Variants in RHBDF2 observed in about 807,000 individuals in gnomAD.
The protein encoded by RHBDF2 is rhomboid 5 homolog 2, also known as inactive rhomboid protein 2.
RHBDF2 carries 38 observed loss-of-function variants against 95.2 expected under a neutral mutation model. The observed-to-expected ratio is 0.40, with a 90% CI of 0.31 to 0.52. RHBDF2 has a LOEUF of 0.52. Among genes scored for constraint, RHBDF2 ranks in the 20% least tolerant of loss-of-function variants. The probability of loss-of-function intolerance (pLI) is 0.56; values close to 1 mark genes in which losing one functional copy is unlikely to be tolerated. For synonymous variants in RHBDF2, 442 were observed against 462.0 expected (o/e 0.96, Z 0.55); for missense variants, 863 against 1,137.7 (o/e 0.76, Z 3.47).
chr17:76,471,714 C>A lies in RHBDF2; in HGVS notation c.2403G>T (p.Trp801Cys). 1 of 1,610,982 alleles carries A rather than the reference C, an allele frequency of 6.2e-7. No homozygotes were observed. The highest frequency in any genetic ancestry group is 8.5e-7 in the Non-Finnish European group (1 of 1,178,800). The change falls in exon 19 of 19, where the codon TGG becomes TGT. Residue 801 changes from tryptophan (W) to cysteine (C), a missense_variant. Physicochemically the swap from Trp to Cys is radical, Grantham distance 215 (BLOSUM62 -2). Transcript: ENST00000675367. Reference protein sequence around the residue: ...VLWLYIYPINWPWIEHLTCFP... With the variant: ...VLWLYIYPINCPWIEHLTCFP... ...AGCAGGTGAGGTGCTCGATCCAGGG[C>A]CAGTTAATGGGGTAGATGTACAGCC... is the stretch of plus-strand genomic sequence containing the variant.
intron 3 of RHBDF2, among the ~76,000 whole-genome samples, chr17:76,480,996 G>A (rs1245746980): frequency 1.3e-5 from 2 of 152,192 alleles, no homozygotes; most frequent in African/African-American, 4.8e-5. Context: ...TAGGCGGGCT[G>A]CTGATGCCAG....
At chr17:76,473,370 TA>T in intron 15 of RHBDF2, 43 bp from the exon 16 acceptor site, 1 of 1,542,078 alleles carries the variant, frequency 6.5e-7, no homozygotes, top group Non-Finnish European at 8.9e-7. Flanking sequence ...GGGCGCCGAA[TA>T]ACCACTGCCC....
chr17:76,473,403 C>T lies in RHBDF2; in HGVS notation c.1734-76G>A, dbSNP rs1205213177. On this transcript the variant is annotated intron_variant, in intron 15 of 18. Transcript: ENST00000675367. ...GCCCACCTTTGCCCAGAGCCCAGCA[C>T]CTGGCTACAGGAGGCATCGCTGGCA... The T allele has an allele frequency of 2.5e-5, 34 of 1,358,942 alleles. No homozygotes were observed. The East Asian group carries it at 8.4e-4, about 33-fold the overall frequency. 84.2% of individuals were successfully genotyped at this position (1,358,942 alleles called of 1,614,324 possible).
intron 1 of RHBDF2, among the ~76,000 whole-genome samples, chr17:76,496,655 C>T (rs2074432570): frequency 6.6e-6 from 1 of 152,238 alleles, no homozygotes; most frequent in African/African-American, 2.4e-5. Flanking sequence ...CTGTCATCAT[C>T]CTCACGGGCT....
chr17:76,471,785 C>G lies in RHBDF2; in HGVS notation c.2332G>C (p.Val778Leu). 6.2e-7 allele frequency: 1 copy of G among 1,608,164 alleles called. No individual in the cohort carries two copies. Among genetic ancestry groups the G allele is most frequent in the East Asian group, 2.2e-5 (1 of 44,640 alleles). Residue 778 changes from valine to leucine, a missense_variant, in exon 19 of 19, where the codon GTG becomes CTG. Coordinates refer to ENST00000675367, the MANE Select transcript of RHBDF2 (RefSeq NM_001005498.4). ...AGGCCGGCAAAGGCCAGCAGTGACA[C>G]CAGGATGAGTGCCCGCTTGCGGTAC... The part of the protein sequence containing the change: ...DKYRKRALIL[V>L]SLLAFAGLFA...
intron 1 of RHBDF2, chr17:76,488,160 G>A (rs745602787): frequency 3.3e-5 from 5 of 152,226 alleles, no homozygotes; most frequent in African/African-American, 4.8e-5. Context: ...TTAGAGTCAA[G>A]ATGGCCCCTG....
At chr17:76,483,819 C>T (rs1386514300) in intron 2 of RHBDF2, among the ~76,000 whole-genome samples, 2 of 152,196 alleles carry the variant, frequency 1.3e-5, no homozygotes, top group Non-Finnish European at 2.9e-5. Flanking sequence ...ATTTCAGTGG[C>T]TGTTGCCCAG....
chr17:76,491,176 C>T (rs944763058), intron 1 of RHBDF2, among the ~76,000 whole-genome samples: 2 of 152,088 alleles, frequency 1.3e-5, no homozygotes, highest in South Asian at 2.1e-4. Context: ...TGTGCCAGAA[C>T]GAGTGTCTAG....
At chr17:76,475,624 C>T (rs1045199617) in intron 9 of RHBDF2, among the ~76,000 whole-genome samples, 2 of 151,832 alleles carry the variant, frequency 1.3e-5, no homozygotes, top group Non-Finnish European at 2.9e-5. Flanking sequence ...GCTCTGTCAC[C>T]TAGGCTGGAA....
rs367688592 is a variant in RHBDF2, at chr17:76,473,331, A to G, written c.1734-4T>C. The G allele has an allele frequency of 8.1e-6, 13 of 1,609,864 alleles. No homozygotes were observed. In the African/African-American group the frequency reaches 1.5e-4, roughly 18 times the overall value. On this transcript the variant is annotated splice_region_variant and splice_polypyrimidine_tract_variant and intron_variant, in intron 15 of 18. Coordinates refer to ENST00000675367, the MANE Select transcript of RHBDF2 (RefSeq NM_001005498.4). ...TTCCCGGGTGGTGATCTCACAGCTAAGGGGGTGGTGAGGCAAGAGGGGACA... is the reference window on the plus strand; with the variant it reads ...TTCCCGGGTGGTGATCTCACAGCTAGGGGGGTGGTGAGGCAAGAGGGGACA...
At chr17:76,484,935 G>A (rs1315003789) in intron 2 of RHBDF2, among the ~76,000 whole-genome samples, 1 of 152,194 alleles carries the variant, frequency 6.6e-6, no homozygotes, top group African/African-American at 2.4e-5. Flanking sequence ...ACAAGGGGGA[G>A]AGTAACGGTT....
At chr17:76,482,756 G>A (rs1305502840) in intron 2 of RHBDF2, among the ~76,000 whole-genome samples, 1 of 151,666 alleles carries the variant, frequency 6.6e-6, no homozygotes. Flanking sequence ...CTGGGCGACA[G>A]AGTGAGAAAA....
At chr17:76,482,409 T>C (rs2073999111) in intron 2 of RHBDF2, among the ~76,000 whole-genome samples, 1 of 152,124 alleles carries the variant, frequency 6.6e-6, no homozygotes, top group African/African-American at 2.4e-5. Flanking sequence ...GCCATCTGCC[T>C]GCCTTGGCCT....
intron 2 of RHBDF2, 79 bp from the exon 3 acceptor site, chr17:76,481,624 C>T: frequency 7.5e-7 from 1 of 1,335,962 alleles, no homozygotes; most frequent in Non-Finnish European, 1.0e-6. Context: ...GGGCACGCAG[C>T]CCAGACCAAG....
At chr17:76,488,364 G>A (rs2074200407) in intron 1 of RHBDF2, among the ~76,000 whole-genome samples, 1 of 152,014 alleles carries the variant, frequency 6.6e-6, no homozygotes, top group South Asian at 2.1e-4. Flanking sequence ...GCTGGGTATG[G>A]TGGTGCACAC....
chr17:76,471,542 C>T lies in RHBDF2; in HGVS notation c.*91G>A. The T allele has an allele frequency of 2.9e-6, 4 of 1,384,566 alleles. No homozygotes were observed. Among genetic ancestry groups the T allele is most frequent in the South Asian group, 3.0e-5 (2 of 66,332 alleles). The allele number at this position is 1,384,566 out of a possible 1,614,324, so 85.8% of individuals were successfully genotyped here. A position where few individuals can be genotyped will look rare whatever the true frequency, so the allele number is the denominator to read the frequency against. On this transcript the variant is annotated 3_prime_UTR_variant, in exon 19 of 19. Coordinates refer to ENST00000675367, the MANE Select transcript of RHBDF2 (RefSeq NM_001005498.4). ...CGGGCCCTGTCTTGGGTCTCTGGCT[C>T]TCTGGCACACAGAGAGCGCTCTGCA... is the stretch of plus-strand genomic sequence containing the variant.
intron 1 of RHBDF2, among the ~76,000 whole-genome samples, chr17:76,498,824 G>GTGTGTGTGTA (rs749845597): frequency 8.2e-6 from 1 of 122,172 alleles, no homozygotes; most frequent in South Asian, 2.6e-4. Flanking sequence ...GTGTGTGTGT[G>GTGTGTGTGTA]AGTCTGTGTG....
chr17:76,472,073 C>T (rs749859014), intron 18 of RHBDF2, 21 bp from the exon 19 acceptor site: 14 of 1,536,514 alleles, frequency 9.1e-6, no homozygotes, highest in African/African-American at 4.1e-5. Flanking sequence ...GCAGGGGAGA[C>T]GTGGCTTCAG....
chr17:76,478,667 C>T (rs566317445), intron 6 of RHBDF2, 139 bp downstream of exon 6: 1 of 724,522 alleles, frequency 1.4e-6, no homozygotes, highest in African/African-American at 1.8e-5. Context: ...GCCCAGGGAT[C>T]CCAGCACATC....
Sources: allele counts gnomAD v4.1 joint callset (sites outside exome capture counted in the v4.1 genomes callset), GRCh38; gene constraint gnomAD v4.1.1; transcripts MANE v1.5; gene names NCBI Gene and HGNC (gene_info 2026-07-23, HGNC 2026-07-21).